Variants in PSORS1C1 observed in about 807,000 individuals in gnomAD.
PSORS1C1 encodes the protein psoriasis susceptibility 1 candidate gene 1 protein.
PSORS1C1 carries 7 observed loss-of-function variants against 9.4 expected under a neutral mutation model. That is an observed-to-expected ratio of 0.75 (90% confidence interval 0.42 to 1.40). The LOEUF (loss-of-function observed/expected upper bound fraction) is 1.40. PSORS1C1 is among the 40% of genes most tolerant of loss of function. PSORS1C1 has a pLI of 0.01. For synonymous variants in PSORS1C1, 63 were observed against 69.4 expected, an observed-to-expected ratio of 0.91 and a Z score of 0.46; for missense variants, 146 against 178.1, an observed-to-expected ratio of 0.82 and a Z score of 1.02.
At chr6:31,135,822 A>G (rs1018638011) in intron 3 of PSORS1C1, among the ~76,000 whole-genome samples, 1 of 152,072 alleles carries the variant, frequency 6.6e-6, no homozygotes, top group African/African-American at 2.4e-5. Context: ...CGATCACTTG[A>G]GCTCCGGAGT....
At chr6:31,138,590 GGT>G in intron 4 of PSORS1C1, 64 bp from the exon 5 acceptor site, 1 of 1,610,938 alleles carries the variant, frequency 6.2e-7, no homozygotes, top group South Asian at 1.1e-5. Context: ...CCCTGGTTGG[GGT>G]ACCCCACTAG....
chr6:31,120,714 G>T (rs1488682383), intron 1 of PSORS1C1, among the ~76,000 whole-genome samples: 1 of 152,114 alleles, frequency 6.6e-6, no homozygotes, highest in Non-Finnish European at 1.5e-5. Flanking sequence ...CCGGAACCAG[G>T]CGCTCTGCCC....
chr6:31,136,959 G>A (rs1022028715), intron 3 of PSORS1C1, among the ~76,000 whole-genome samples: 1 of 150,708 alleles, frequency 6.6e-6, no homozygotes, highest in Non-Finnish European at 1.5e-5. Flanking sequence ...GACCAGCCTG[G>A]CCAACATGGT....
chr6:31,136,559 C>G (rs1190587714), intron 3 of PSORS1C1, among the ~76,000 whole-genome samples: 1 of 152,062 alleles, frequency 6.6e-6, no homozygotes, highest in Non-Finnish European at 1.5e-5. Context: ...GAAACTGATT[C>G]CCTTAAAACT....
At chr6:31,120,027 T>C (rs943754194) in intron 1 of PSORS1C1, among the ~76,000 whole-genome samples, 3 of 152,210 alleles carry the variant, frequency 2.0e-5, no homozygotes, top group African/African-American at 2.4e-5. Flanking sequence ...CATTATCTTG[T>C]AGTGCTCCCA....
intron 3 of PSORS1C1, among the ~76,000 whole-genome samples, chr6:31,132,339 T>C (rs1186836895): frequency 1.1e-4 from 17 of 152,036 alleles, no homozygotes; most frequent in Admixed American, 1.1e-3. Context: ...CTGGCCAACA[T>C]GGTGAAACCC....
At chr6:31,138,595 C>T in intron 4 of PSORS1C1, 61 bp from the exon 5 acceptor site, 2 of 1,611,460 alleles carry the variant, frequency 1.2e-6, no homozygotes, top group South Asian at 2.2e-5. Context: ...GTTGGGGTAC[C>T]CCACTAGCTT....
intron 1 of PSORS1C1, chr6:31,116,834 C>A: frequency 6.2e-7 from 1 of 1,614,026 alleles, no homozygotes; most frequent in South Asian, 1.1e-5. Context: ...GCACCAGAAC[C>A]GTGCTGGTCC....
At chr6:31,116,989 T>G (rs1772174162) in intron 1 of PSORS1C1, 1 of 1,614,088 alleles carries the variant, frequency 6.2e-7, no homozygotes. Flanking sequence ...GCTGACGCTT[T>G]GGCCACTGCT....
intron 1 of PSORS1C1, chr6:31,117,457 T>G: frequency 6.4e-7 from 1 of 1,555,112 alleles, no homozygotes; most frequent in Non-Finnish European, 8.7e-7. Flanking sequence ...GAGGCAGGGG[T>G]CGTTAGGGGA....
chr6:31,127,561 A>AATTATTACTATT (rs1554342598), intron 2 of PSORS1C1, among the ~76,000 whole-genome samples: 1 of 141,590 alleles, frequency 7.1e-6, no homozygotes, highest in Non-Finnish European at 1.5e-5. Context: ...AGGAGACAGG[A>AATTATTACTATT]ATTATTATTA....
intron 1 of PSORS1C1, among the ~76,000 whole-genome samples, chr6:31,125,073 G>A (rs1772621484): frequency 6.6e-6 from 1 of 152,192 alleles, no homozygotes; most frequent in Non-Finnish European, 1.5e-5. Context: ...AGAAGTTCTA[G>A]CACAAGTGTT....
intron 1 of PSORS1C1, chr6:31,116,040 T>C (rs768599029): frequency 5.0e-6 from 8 of 1,611,512 alleles, no homozygotes; most frequent in Non-Finnish European, 5.9e-6. Context: ...GACTGTTGAG[T>C]AACTCTCCTT....
In PSORS1C1 at chr6:31,139,521, A is replaced by C; in HGVS notation, c.168-120A>C. 1 of 923,636 alleles carries C rather than the reference A, an allele frequency of 1.1e-6. No individual in the cohort carries two copies. Among genetic ancestry groups the C allele is most frequent in the Non-Finnish European group, 1.6e-6 (1 of 614,868 alleles). 57.2% of individuals were successfully genotyped at this position (923,636 alleles called of 1,614,324 possible). ...TGCAGCTGGGACAGTGTCAGCTACT[A>C]CCCCAGCCTCCCCACTCACCCCCGC... On this transcript the variant is annotated intron_variant, in intron 5 of 5. Transcript: ENST00000259881. The surrounding 1 kb of genome is among the most constrained non-coding windows in gnomAD (Gnocchi z 5.2).
At position 31,139,358 on chromosome 6, in the gene PSORS1C1, T is replaced by C. The variant is rs929870007; in HGVS notation, c.168-283T>C. 5.1e-6 allele frequency: 3 copies of C among 587,414 alleles called. No homozygotes were observed. Among genetic ancestry groups the C allele is most frequent in the African/African-American group, 3.7e-5 (2 of 53,702 alleles). 36.4% of individuals were successfully genotyped at this position (587,414 alleles called of 1,614,324 possible). The stretch of plus-strand genomic sequence containing the variant: ...TGGCATCTCCGTAATCACAGAGATG[T>C]CCACCTTCATCCCTTGCAACTATTG... On this transcript the variant is annotated intron_variant, in intron 5 of 5. Coordinates refer to ENST00000259881, the MANE Select transcript of PSORS1C1 (RefSeq NM_014068.3). The surrounding 1 kb of genome is among the most constrained non-coding windows in gnomAD (Gnocchi z 5.2).
chr6:31,138,824 T>C, intron 5 of PSORS1C1, 45 bp downstream of exon 5: 5 of 1,613,230 alleles, frequency 3.1e-6, no homozygotes, highest in Non-Finnish European at 4.2e-6. Context: ...CCACCCAATG[T>C]GTCCAGAAAG....
intron 3 of PSORS1C1, 115 bp downstream of exon 3, chr6:31,129,760 A>G: frequency 1.4e-6 from 1 of 716,566 alleles, no homozygotes; most frequent in Middle Eastern, 2.4e-4. Context: ...ACAAAGAAAG[A>G]CAAGGCACAG....
At position 31,116,166 on chromosome 6, in the gene PSORS1C1, G is replaced by C; in HGVS notation, c.-229+1275G>C. ...CAGCACTGCTGGAGCCACAGGGCTT[G>C]GCACCAGCGGAGGGATCAGGATGGG... On this transcript the variant is annotated intron_variant, in intron 1 of 5. Transcript: ENST00000259881. 1.9e-6 allele frequency: 3 copies of C among 1,611,926 alleles called. No individual in the cohort carries two copies. In the South Asian group the frequency reaches 3.3e-5, roughly 18 times the overall value.
intron 1 of PSORS1C1, chr6:31,117,390 G>T: frequency 6.4e-7 from 1 of 1,569,652 alleles, no homozygotes; most frequent in Non-Finnish European, 8.6e-7. Flanking sequence ...AAATGGAGCT[G>T]CCAGAACTGC....
Sources: allele counts gnomAD v4.1 joint callset (sites outside exome capture counted in the v4.1 genomes callset), GRCh38; gene constraint gnomAD v4.1.1; non-coding constraint Gnocchi (gnomAD v3.1); transcripts MANE v1.5; gene names NCBI Gene and HGNC (gene_info 2026-07-23, HGNC 2026-07-21).